Variants in RCAN1 observed in about 807,000 individuals in gnomAD.
RCAN1 encodes calcipressin-1.
A neutral mutation model predicts 22.9 loss-of-function variants in RCAN1; 11 were observed. That is an observed-to-expected ratio of 0.48 (90% CI 0.30 to 0.79). The LOEUF (loss-of-function observed/expected upper bound fraction) is 0.79. RCAN1 is among the 30% of genes least tolerant of loss of function. The pLI is 0.06. For missense variants in RCAN1, 291 were observed against 337.8 expected (o/e 0.86, Z 1.09); for synonymous variants, 136 against 142.3 (o/e 0.96, Z 0.32).
intron 1 of RCAN1, among the ~76,000 whole-genome samples, chr21:34,543,630 G>A (rs918650785): frequency 6.6e-6 from 1 of 152,236 alleles, no homozygotes; most frequent in African/African-American, 2.4e-5. Flanking sequence ...GAGAAAGGTA[G>A]CTTTATAGAA....
intron 1 of RCAN1, among the ~76,000 whole-genome samples, chr21:34,605,626 A>G (rs9636884): frequency 0.053 from 8,055 of 152,282 alleles, 276 homozygotes; most frequent in East Asian, 0.16. Context: ...CCATGCTTTA[A>G]GATGATAAGC....
intron 1 of RCAN1, among the ~76,000 whole-genome samples, chr21:34,540,965 A>G (rs1985888879): frequency 6.6e-6 from 1 of 152,162 alleles, no homozygotes; most frequent in Non-Finnish European, 1.5e-5. Context: ...AGCCTGGAAT[A>G]CAGAGCGAGA....
At chr21:34,588,607 G>A (rs983281728) in intron 1 of RCAN1, among the ~76,000 whole-genome samples, 22 of 152,232 alleles carry the variant, frequency 1.4e-4, no homozygotes, top group Non-Finnish European at 2.9e-4. Flanking sequence ...TGTAGCCACT[G>A]TGCAGAACGG....
chr21:34,610,580 C>T (rs77659169), intron 1 of RCAN1, among the ~76,000 whole-genome samples: 2,269 of 152,270 alleles, frequency 0.015, 48 homozygotes, highest in African/African-American at 0.052. Flanking sequence ...TAAGATATAA[C>T]GATGCCTCTG....
intron 1 of RCAN1, among the ~76,000 whole-genome samples, chr21:34,536,131 A>G (rs1376069248): frequency 2.0e-5 from 3 of 152,164 alleles, no homozygotes; most frequent in Non-Finnish European, 4.4e-5. Flanking sequence ...CTTCTTGGAA[A>G]CGCACTGCTT....
intron 1 of RCAN1, among the ~76,000 whole-genome samples, chr21:34,568,320 C>A (rs1987108304): frequency 6.6e-6 from 1 of 152,192 alleles, no homozygotes; most frequent in African/African-American, 2.4e-5. Flanking sequence ...CTCCCCCCTG[C>A]CTCCCACAAA....
chr21:34,595,839 G>A (rs1261291672), intron 1 of RCAN1, among the ~76,000 whole-genome samples: 1 of 152,220 alleles, frequency 6.6e-6, no homozygotes, highest in Non-Finnish European at 1.5e-5. Flanking sequence ...TGTGGTGTCA[G>A]ACAAGCTGAC....
At chr21:34,569,949 T>C (rs1458885876) in intron 1 of RCAN1, among the ~76,000 whole-genome samples, 2 of 152,322 alleles carry the variant, frequency 1.3e-5, no homozygotes, top group African/African-American at 4.8e-5. Flanking sequence ...GGGTGGGGTT[T>C]GGTAGAGGCA....
At chr21:34,605,513 T>C (rs1445097120) in intron 1 of RCAN1, among the ~76,000 whole-genome samples, 1 of 152,220 alleles carries the variant, frequency 6.6e-6, no homozygotes, top group Admixed American at 6.5e-5. Context: ...TCGTAACTCA[T>C]GTGAATCTCT....
At position 34,614,491 on chromosome 21, in the gene RCAN1, C is replaced by T; in HGVS notation, c.252+269G>A. 3 of 1,037,252 alleles carry T rather than the reference C, an allele frequency of 2.9e-6. 1 individual carries two copies. Among genetic ancestry groups the T allele is most frequent in the South Asian group, 4.6e-5 (1 of 21,774 alleles). The allele number at this position is 1,037,252 out of a possible 1,614,324, so 64.3% of individuals were successfully genotyped here. On this transcript the variant is annotated intron_variant, in intron 1 of 3. Transcript: ENST00000313806. This position sits in a 1 kb window ranked among gnomAD's most constrained non-coding sequence, Gnocchi z 6.0. ...TGGGGAGCGAATTCACCCCCCTAGT[C>T]GCACCAGCCTGGGCGCACACGGGGG...
rs201447716 is a variant in RCAN1 at position 34,518,293 on chromosome 21, A to G, written c.587-37T>C. The stretch of plus-strand genomic sequence containing the variant: ...AAATAATCGCAGGGTCACTCAGACA[A>G]GTCCTTGGGAGTCAAAAGGCAAACA... On this transcript the variant is annotated intron_variant, in intron 3 of 3. Coordinates refer to ENST00000313806, the MANE Select transcript of RCAN1 (RefSeq NM_004414.7). The surrounding 1 kb of genome is among the most constrained non-coding windows in gnomAD (Gnocchi z 4.2). 77 of 1,601,390 alleles carry G rather than the reference A, an allele frequency of 4.8e-5. 1 individual carries two copies. The Admixed American group carries it at 1.0e-3, about 21-fold the overall frequency.
intron 1 of RCAN1, among the ~76,000 whole-genome samples, chr21:34,584,827 C>T (rs1987735622): frequency 1.3e-5 from 2 of 152,214 alleles, no homozygotes; most frequent in South Asian, 4.1e-4. Flanking sequence ...CCAGAGGATT[C>T]ATAAGAGCAT....
rs1568906248 is a variant in RCAN1 at position 34,556,100 on chromosome 21, T to TAAATAAA, written c.253-32391_253-32390insTTTATTT. Among the ~76,000 whole-genome samples the TAAATAAA allele has an allele frequency of 8.7e-4, 21 of 24,066 alleles. No homozygotes were observed. The South Asian group carries it at 0.017, about 19-fold the overall frequency. 15.8% of individuals were successfully genotyped at this position (24,066 alleles called of 152,430 possible). ...AATAAATAAATAAATAAATAAATAA[T>TAAATAAA]TAAAGGCCAAAAAAAAAAAAAAAAG... is the stretch of plus-strand genomic sequence containing the variant. On this transcript the variant is annotated intron_variant, in intron 1 of 3. Coordinates refer to ENST00000313806, the MANE Select transcript of RCAN1 (RefSeq NM_004414.7).
At chr21:34,537,435 T>C (rs1985720138) in intron 1 of RCAN1, among the ~76,000 whole-genome samples, 2 of 152,204 alleles carry the variant, frequency 1.3e-5, no homozygotes, top group South Asian at 2.1e-4. Flanking sequence ...CACACAGAAA[T>C]AGAACTTCTG....
chr21:34,542,733 G>C (rs1041314376), intron 1 of RCAN1, among the ~76,000 whole-genome samples: 1 of 152,244 alleles, frequency 6.6e-6, no homozygotes, highest in African/African-American at 2.4e-5. Context: ...GGCAAGGATT[G>C]TAACTCATTA....
chr21:34,521,924 T>G, intron 2 of RCAN1: 1 of 457,718 alleles, frequency 2.2e-6, no homozygotes, highest in Non-Finnish European at 3.9e-6. Context: ...ACGCTTGACC[T>G]AGATGGACAG....
chr21:34,518,926 T>A lies in RCAN1; in HGVS notation c.587-670A>T, dbSNP rs1377929275. On this transcript the variant is annotated intron_variant, in intron 3 of 3. Transcript: ENST00000313806. This position sits in a 1 kb window ranked among gnomAD's most constrained non-coding sequence, Gnocchi z 4.2. ...AAGGGTGGGGAGAGCTTTCTGCAAC[T>A]GAAAAACCCGGCAATGTAGAATGAA... Among the ~76,000 whole-genome samples the A allele has an allele frequency of 6.6e-6, 1 of 152,156 alleles. No individual in the cohort carries two copies. The highest frequency in any genetic ancestry group is 1.5e-5 in the Non-Finnish European group (1 of 68,016).
intron 1 of RCAN1, among the ~76,000 whole-genome samples, chr21:34,610,911 T>G (rs1445424628): frequency 6.6e-6 from 1 of 152,232 alleles, no homozygotes; most frequent in African/African-American, 2.4e-5. Flanking sequence ...GTTTTTGTTT[T>G]TTTTAGGTAA....
intron 1 of RCAN1, among the ~76,000 whole-genome samples, chr21:34,603,703 CCTT>C: frequency 6.6e-6 from 1 of 152,088 alleles, no homozygotes; most frequent in Non-Finnish European, 1.5e-5. Flanking sequence ...GAAGAAGTCT[CCTT>C]CATCTATGAA....
Sources: allele counts gnomAD v4.1 joint callset (sites outside exome capture counted in the v4.1 genomes callset), GRCh38; gene constraint gnomAD v4.1.1; non-coding constraint Gnocchi (gnomAD v3.1); transcripts MANE v1.5; gene names NCBI Gene and HGNC (gene_info 2026-07-23, HGNC 2026-07-21).